NEMP2: variants seen among roughly 807,000 people sequenced by gnomAD.
The protein encoded by NEMP2 is nuclear envelope integral membrane protein 2, also known as UPF0571 transmembrane protein.
Under a neutral mutation model 54.2 loss-of-function variants are expected in NEMP2, and 53 were observed. That is an observed-to-expected ratio of 0.98 (90% CI 0.78 to 1.23). The LOEUF (loss-of-function observed/expected upper bound fraction) is 1.23. NEMP2 is among the 50% of genes most tolerant of loss of function. The pLI, the probability that NEMP2 is intolerant of heterozygous loss-of-function variation, is 0.00. For synonymous variants in NEMP2, 197 were observed against 190.3 expected, an observed-to-expected ratio of 1.04 and a Z score of -0.29; for missense variants, 455 against 511.3, an observed-to-expected ratio of 0.89 and a Z score of 1.06.
the NEMP2 span, among the ~76,000 whole-genome samples, chr2:190,556,008 G>T: frequency 2.6e-5 from 4 of 152,092 alleles, no homozygotes. Flanking sequence ...ACCAAAACCT[G>T]GCAGAGACAC....
At chr2:190,421,431 A>G in the NEMP2 span, among the ~76,000 whole-genome samples, 1 of 152,152 alleles carries the variant, frequency 6.6e-6, no homozygotes, top group South Asian at 2.1e-4. Context: ...TTTCTTTCTC[A>G]GTTTTTATTT....
chr2:190,459,302 G>A, the NEMP2 span, among the ~76,000 whole-genome samples: 38 of 152,236 alleles, frequency 2.5e-4, no homozygotes, highest in East Asian at 3.1e-3. This position sits in a 1 kb window ranked among gnomAD's most constrained non-coding sequence, Gnocchi z 5.3. Context: ...CCTGAGTTTC[G>A]ATGAACTTGT....
At chr2:190,637,685 T>G in the NEMP2 span, among the ~76,000 whole-genome samples, 1 of 152,364 alleles carries the variant, frequency 6.6e-6, no homozygotes, top group South Asian at 2.1e-4. This position sits in a 1 kb window ranked among gnomAD's most constrained non-coding sequence, Gnocchi z 4.5. Context: ...CTACTGACTT[T>G]CACCCCTCTG....
chr2:190,550,966 T>C, the NEMP2 span, among the ~76,000 whole-genome samples: 2 of 152,218 alleles, frequency 1.3e-5, no homozygotes, highest in South Asian at 2.1e-4. The surrounding 1 kb of genome is among the most constrained non-coding windows in gnomAD (Gnocchi z 4.7). Flanking sequence ...CTTGAGTCTC[T>C]TTAGTATGTT....
the NEMP2 span, among the ~76,000 whole-genome samples, chr2:190,572,013 T>G: frequency 6.6e-6 from 1 of 152,192 alleles, no homozygotes; most frequent in African/African-American, 2.4e-5. Context: ...TTCTAGCTGT[T>G]CAAAATGATG....
the NEMP2 span, chr2:190,437,129 AT>A: frequency 6.2e-7 from 1 of 1,614,260 alleles, no homozygotes; most frequent in Non-Finnish European, 8.5e-7. This position sits in a 1 kb window ranked among gnomAD's most constrained non-coding sequence, Gnocchi z 5.9. Context: ...GAGTACAGGA[AT>A]TACCAGATCG....
the NEMP2 span, among the ~76,000 whole-genome samples, chr2:190,548,519 G>GT: frequency 6.6e-6 from 1 of 152,062 alleles, no homozygotes; most frequent in Admixed American, 6.5e-5. Context: ...CCATTTCACT[G>GT]TTTCACCTGA....
At chr2:190,648,230 C>T in the NEMP2 span, 5 of 152,286 alleles carry the variant, frequency 3.3e-5, no homozygotes, top group African/African-American at 1.2e-4. Flanking sequence ...CCGGCCAGCG[C>T]GACAGTTGTC....
the NEMP2 span, chr2:190,553,603 C>G: frequency 6.6e-6 from 1 of 152,258 alleles, no homozygotes; most frequent in Non-Finnish European, 1.5e-5. Flanking sequence ...ACATCCACTT[C>G]AGCAGAGAGC....
the NEMP2 span, among the ~76,000 whole-genome samples, chr2:190,571,771 T>C: frequency 5.9e-5 from 9 of 152,168 alleles, no homozygotes; most frequent in African/African-American, 1.7e-4. Context: ...ATTGGCAAAA[T>C]TGAACAATAA....
chr2:190,617,653 G>C, the NEMP2 span, among the ~76,000 whole-genome samples: 3 of 152,128 alleles, frequency 2.0e-5, no homozygotes, highest in Non-Finnish European at 4.4e-5. This position sits in a 1 kb window ranked among gnomAD's most constrained non-coding sequence, Gnocchi z 5.0. Flanking sequence ...TAAATCCTCA[G>C]ACGTTTCTCT....
chr2:190,571,827 A>G, the NEMP2 span, among the ~76,000 whole-genome samples: 1 of 152,044 alleles, frequency 6.6e-6, no homozygotes, highest in African/African-American at 2.4e-5. Flanking sequence ...CTTCCTTTTA[A>G]TAGACTGTAC....
the NEMP2 span, among the ~76,000 whole-genome samples, chr2:190,459,477 G>GGT: frequency 2.8e-4 from 42 of 152,142 alleles, no homozygotes; most frequent in African/African-American, 9.2e-4. The surrounding 1 kb of genome is among the most constrained non-coding windows in gnomAD (Gnocchi z 5.3). Context: ...AATTGTAGGG[G>GGT]GTGTGTGTGT....
the NEMP2 span, among the ~76,000 whole-genome samples, chr2:190,485,203 C>T: frequency 6.6e-6 from 1 of 152,106 alleles, no homozygotes; most frequent in Admixed American, 6.5e-5. The surrounding 1 kb of genome is among the most constrained non-coding windows in gnomAD (Gnocchi z 5.1). Context: ...TAGATACAAA[C>T]CCTGTGGTTG....
chr2:190,592,709 A>G, the NEMP2 span, among the ~76,000 whole-genome samples: 1 of 152,026 alleles, frequency 6.6e-6, no homozygotes, highest in Non-Finnish European at 1.5e-5. The surrounding 1 kb of genome is among the most constrained non-coding windows in gnomAD (Gnocchi z 4.4). Flanking sequence ...CTTTTTTGTT[A>G]GAAAGGCTCC....
At chr2:190,441,042 CG>C in the NEMP2 span, among the ~76,000 whole-genome samples, 7 of 152,092 alleles carry the variant, frequency 4.6e-5, no homozygotes, top group East Asian at 7.7e-4. Context: ...ACTCTGCAGC[CG>C]GGTGTTCAAT....
chr2:190,501,619 C>G (rs945534994), downstream of NEMP2: 4 of 152,484 alleles, frequency 2.6e-5, no homozygotes, highest in Admixed American at 2.0e-4. Context: ...TACCCTCTGA[C>G]CCTGATTAGA....
chr2:190,499,424 T>C (rs903834257), downstream of NEMP2, among the ~76,000 whole-genome samples: 1 of 152,194 alleles, frequency 6.6e-6, no homozygotes, highest in Non-Finnish European at 1.5e-5. This position sits in a 1 kb window ranked among gnomAD's most constrained non-coding sequence, Gnocchi z 6.0. Flanking sequence ...CTACTCATGG[T>C]TATTTACAGT....
the NEMP2 span, chr2:190,553,399 A>G: frequency 6.6e-6 from 1 of 152,264 alleles, no homozygotes. Context: ...AAAGAAGTAG[A>G]AACCTGCCTA....
Sources: gnomAD v4.1 joint callset for allele counts (sites outside exome capture counted in the v4.1 genomes callset) on GRCh38, gnomAD v4.1.1 for gene constraint, Gnocchi (gnomAD v3.1) non-coding constraint, MANE v1.5 for transcripts, NCBI Gene and HGNC (gene_info 2026-07-23, HGNC 2026-07-21) for gene names.